The following ULK4 variants were observed in gnomAD, a reference collection of about 807,000 sequenced individuals.
The protein encoded by ULK4 is inactive serine/threonine-protein kinase ULK4.
ULK4 carries 133 observed loss-of-function variants against 160.6 expected under a neutral mutation model. That is an observed-to-expected ratio of 0.83 (90% CI 0.72 to 0.96). The LOEUF (loss-of-function observed/expected upper bound fraction) is 0.96. ULK4 is among the 40% of genes least tolerant of loss of function. ULK4 has a pLI of 0.00. For missense variants in ULK4, 1,580 were observed against 1,499.5 expected (o/e 1.05, Z -0.89); for synonymous variants, 534 against 539.8 (o/e 0.99, Z 0.15).
intron 17 of ULK4, among the ~76,000 whole-genome samples, chr3:41,841,473 G>A (rs1366821263): frequency 6.6e-6 from 1 of 150,402 alleles, no homozygotes; most frequent in African/African-American, 2.5e-5. Context: ...TCTGGGAGGT[G>A]AGGGGCGTCT....
chr3:41,369,614 G>A (rs1242645233), intron 35 of ULK4, among the ~76,000 whole-genome samples: 1 of 151,562 alleles, frequency 6.6e-6, no homozygotes, highest in Non-Finnish European at 1.5e-5. Flanking sequence ...CCAACATGGT[G>A]AAAACCCGTC....
intron 34 of ULK4, among the ~76,000 whole-genome samples, chr3:41,410,166 C>T (rs113814699): frequency 6.6e-6 from 1 of 151,954 alleles, no homozygotes; most frequent in East Asian, 1.9e-4. Context: ...ACTATATGAC[C>T]CAGCTCCCAG....
chr3:41,587,338 G>A (rs2030901135), intron 31 of ULK4, among the ~76,000 whole-genome samples: 1 of 152,140 alleles, frequency 6.6e-6, no homozygotes, highest in Admixed American at 6.5e-5. Flanking sequence ...AAAAGCTCAT[G>A]TCATGAGGTT....
At chr3:41,719,555 C>G (rs1191122046) in intron 22 of ULK4, among the ~76,000 whole-genome samples, 1 of 152,150 alleles carries the variant, frequency 6.6e-6, no homozygotes, top group African/African-American at 2.4e-5. Flanking sequence ...AACCAGAAAA[C>G]TAGGAGAGTC....
At chr3:41,911,432 CAT>C (rs1698780796) in intron 10 of ULK4, 46 bp from the exon 11 acceptor site, 1 of 1,603,880 alleles carries the variant, frequency 6.2e-7, no homozygotes, top group East Asian at 2.2e-5. Flanking sequence ...ACAAAAATAT[CAT>C]ATGCAAGGCA....
At chr3:41,503,721 T>C (rs1207963227) in intron 32 of ULK4, among the ~76,000 whole-genome samples, 2 of 152,232 alleles carry the variant, frequency 1.3e-5, no homozygotes, top group Non-Finnish European at 2.9e-5. Context: ...AGTATGTTTT[T>C]GTCTTTTAAA....
chr3:41,923,414 G>A (rs1011719048), intron 5 of ULK4, among the ~76,000 whole-genome samples: 1 of 152,180 alleles, frequency 6.6e-6, no homozygotes, highest in Middle Eastern at 3.4e-3. Context: ...CCAGAGAATT[G>A]CTTGAACCCG....
chr3:41,937,176 G>A, intron 3 of ULK4: 1 of 459,422 alleles, frequency 2.2e-6, no homozygotes, highest in East Asian at 3.2e-5. Context: ...ATTTTGTTTT[G>A]GTGGGTGACG....
At chr3:41,438,672 AC>A (rs1305293337) in intron 34 of ULK4, among the ~76,000 whole-genome samples, 1 of 151,950 alleles carries the variant, frequency 6.6e-6, no homozygotes, top group Non-Finnish European at 1.5e-5. Context: ...ACAAAAAAAA[AC>A]AAACTTGGCC....
At chr3:41,354,949 T>C (rs2080998847) in intron 35 of ULK4, among the ~76,000 whole-genome samples, 1 of 152,190 alleles carries the variant, frequency 6.6e-6, no homozygotes, top group Admixed American at 6.5e-5. Flanking sequence ...TATCTTTCCC[T>C]TCTCTGAATA....
intron 35 of ULK4, among the ~76,000 whole-genome samples, chr3:41,300,180 G>C (rs1219687576): frequency 6.6e-6 from 1 of 152,168 alleles, no homozygotes; most frequent in Non-Finnish European, 1.5e-5. Context: ...TCTTTGAATG[G>C]ATAAAATCCT....
At chr3:41,252,320 T>C (rs555196410) in intron 35 of ULK4, among the ~76,000 whole-genome samples, 108 of 152,216 alleles carry the variant, frequency 7.1e-4, no homozygotes, top group Non-Finnish European at 1.4e-3. Flanking sequence ...AAATGACATA[T>C]GTTGGAATTA....
intron 35 of ULK4, among the ~76,000 whole-genome samples, chr3:41,391,880 C>T (rs1472513724): frequency 1.3e-5 from 2 of 152,050 alleles, no homozygotes; most frequent in Admixed American, 6.6e-5. Flanking sequence ...TTCCTTCCAC[C>T]TCTGCTGCAC....
At chr3:41,543,322 T>C (rs2086755708) in intron 32 of ULK4, among the ~76,000 whole-genome samples, 1 of 152,132 alleles carries the variant, frequency 6.6e-6, no homozygotes, top group African/African-American at 2.4e-5. Flanking sequence ...TGAGGATATG[T>C]ACCCAAGGAG....
chr3:41,510,675 A>T (rs2085538960), intron 32 of ULK4, among the ~76,000 whole-genome samples: 1 of 152,202 alleles, frequency 6.6e-6, no homozygotes, highest in African/African-American at 2.4e-5. Context: ...CAACACCAAA[A>T]GGAACCCTCA....
intron 32 of ULK4, among the ~76,000 whole-genome samples, chr3:41,564,449 C>CTTTTTTTTT (rs71075476): frequency 3.7e-5 from 3 of 80,930 alleles, no homozygotes; most frequent in African/African-American, 4.8e-5. Context: ...TCTTCTTCTT[C>CTTTTTTTTT]TTTTTTTTTT....
rs544791609 is a variant in ULK4, at chr3:41,269,415, G to A, written c.3679-19841C>T. 3.3e-5 allele frequency among the ~76,000 whole-genome samples: 5 copies of A among 152,104 alleles called. No homozygotes were observed. In the South Asian group the frequency reaches 6.2e-4, roughly 19 times the overall value. ...ATGAGCTCCAGGAATTGATGGTCCT[G>A]TACAACAGCACAGTCTTCCAACATC... On this transcript the variant is annotated intron_variant, in intron 35 of 36. Transcript: ENST00000301831.
rs1165505559 is a variant in ULK4 at position 41,533,460 on chromosome 3, A to C, written c.3226+32565T>G. On this transcript the variant is annotated intron_variant, in intron 32 of 36. Coordinates refer to ENST00000301831, the MANE Select transcript of ULK4 (RefSeq NM_017886.4). ...CAGTTAAATCACAATTTAATAACTA[A>C]ATTTTATAAATATGTTGACGCGTGA... Among the ~76,000 whole-genome samples the C allele has an allele frequency of 3.3e-5, 5 of 152,224 alleles. No individual in the cohort carries two copies. In the East Asian group the frequency reaches 9.6e-4, roughly 29 times the overall value.
At chr3:41,763,376 T>G (rs1376498421) in intron 21 of ULK4, among the ~76,000 whole-genome samples, 2 of 152,080 alleles carry the variant, frequency 1.3e-5, no homozygotes, top group African/African-American at 4.8e-5. Flanking sequence ...AAATCCTGGC[T>G]CTTTGAAAAA....
Sources: allele counts gnomAD v4.1 joint callset (sites outside exome capture counted in the v4.1 genomes callset), GRCh38; gene constraint gnomAD v4.1.1; transcripts MANE v1.5; gene names NCBI Gene and HGNC (gene_info 2026-07-23, HGNC 2026-07-21).